WWOX: variants seen among roughly 807,000 people sequenced by gnomAD.
The protein encoded by WWOX is WW domain-containing oxidoreductase.
In WWOX, 69 loss-of-function variants were observed where a neutral mutation model predicts 46.2. That is an observed-to-expected ratio of 1.49 (90% CI 1.23 to 1.82). The LOEUF (loss-of-function observed/expected upper bound fraction) is 1.82. WWOX is among the 40% of genes most tolerant of loss of function. WWOX has a pLI of 0.00. For missense variants in WWOX, 919 were observed against 542.6 expected (o/e 1.69, Z -6.89); for synonymous variants, 359 against 202.6 (o/e 1.77, Z -6.56).
chr16:78,525,576 T>C (rs1165012937), intron 8 of WWOX: 1 of 152,210 alleles, frequency 6.6e-6, no homozygotes, highest in Non-Finnish European at 1.5e-5. Flanking sequence ...AGTCTCAAAA[T>C]GTCTGGTAGC....
At chr16:78,629,667 G>T (rs532468107) in intron 8 of WWOX, among the ~76,000 whole-genome samples, 35 of 152,272 alleles carry the variant, frequency 2.3e-4, no homozygotes, top group African/African-American at 8.2e-4. Context: ...CTTTGCACAG[G>T]CTCTTGTCTC....
intron 8 of WWOX, among the ~76,000 whole-genome samples, chr16:78,830,091 C>T (rs1241960605): frequency 6.6e-6 from 1 of 151,612 alleles, no homozygotes; most frequent in Admixed American, 6.6e-5. Context: ...CATAGGGAGA[C>T]CCTCATCTCT....
At chr16:78,930,604 T>A (rs2151280808) in intron 8 of WWOX, among the ~76,000 whole-genome samples, 1 of 151,852 alleles carries the variant, frequency 6.6e-6, no homozygotes, top group Non-Finnish European at 1.5e-5. Context: ...ACTTTTTTTT[T>A]TTTTTTTAAA....
chr16:78,820,686 C>T (rs904942551), intron 8 of WWOX, among the ~76,000 whole-genome samples: 1 of 152,120 alleles, frequency 6.6e-6, no homozygotes, highest in Non-Finnish European at 1.5e-5. Flanking sequence ...GTATGTGTTT[C>T]CTGGGCCTGC....
chr16:78,545,122 A>G (rs984795465), intron 8 of WWOX, among the ~76,000 whole-genome samples: 3 of 152,198 alleles, frequency 2.0e-5, no homozygotes, highest in Non-Finnish European at 2.9e-5. Flanking sequence ...ACATACCCAC[A>G]TTCTGATTCC....
At chr16:79,156,461 A>C (rs2050384010) in intron 8 of WWOX, among the ~76,000 whole-genome samples, 1 of 152,208 alleles carries the variant, frequency 6.6e-6, no homozygotes, top group African/African-American at 2.4e-5. Context: ...GCTCCCAGCA[A>C]CAATTGCAGT....
At chr16:78,234,993 A>G (rs2037389171) in intron 5 of WWOX, among the ~76,000 whole-genome samples, 1 of 152,108 alleles carries the variant, frequency 6.6e-6, no homozygotes, top group South Asian at 2.1e-4. Context: ...ACTTAACAGT[A>G]GGTCCTGTAA....
rs182230211 is a variant in WWOX at position 78,696,964 on chromosome 16, C to T, written c.1056+264212C>T. On this transcript the variant is annotated intron_variant, in intron 8 of 8. Transcript: ENST00000566780. ...TTCACTTAGAATAATGGTCTCCAGT[C>T]CCATCCAGGTTGCTGAAAATGCCAT... is the stretch of plus-strand genomic sequence containing the variant. Among the ~76,000 whole-genome samples, 87 of 152,148 alleles carry T rather than the reference C, an allele frequency of 5.7e-4. 1 individual carries two copies. Among genetic ancestry groups the T allele is most frequent in the Admixed American group, 2.0e-4 (3 of 15,260 alleles).
At chr16:78,529,773 G>A (rs142678941) in intron 8 of WWOX, among the ~76,000 whole-genome samples, 42 of 152,162 alleles carry the variant, frequency 2.8e-4, no homozygotes, top group African/African-American at 9.9e-4. Flanking sequence ...AGCCCTCAGA[G>A]TGTTTTAAAA....
At position 78,557,788 on chromosome 16, in the gene WWOX, T is replaced by C. The variant is rs139673937; in HGVS notation, c.1056+125036T>C. The stretch of plus-strand genomic sequence containing the variant: ...TCAGCTCACTGCAACCTCCGCCTCC[T>C]GGGTTCAAACAATTCTCCTACGTCA... On this transcript the variant is annotated intron_variant, in intron 8 of 8. Coordinates refer to ENST00000566780, the MANE Select transcript of WWOX (RefSeq NM_016373.4). Among the ~76,000 whole-genome samples, 52 of 147,038 alleles carry C rather than the reference T, an allele frequency of 3.5e-4. No homozygotes were observed. In the East Asian group the frequency reaches 0.01, roughly 29 times the overall value.
At chr16:78,918,355 C>G (rs1199430400) in intron 8 of WWOX, among the ~76,000 whole-genome samples, 11 of 152,068 alleles carry the variant, frequency 7.2e-5, no homozygotes. Flanking sequence ...CCTAAGGAGT[C>G]CTTGTTGATT....
At position 78,667,185 on chromosome 16, in the gene WWOX, A is replaced by G. The variant is rs2047350560; in HGVS notation, c.1056+234433A>G. 2.0e-5 allele frequency among the ~76,000 whole-genome samples: 3 copies of G among 152,170 alleles called. 1 individual carries two copies. The highest frequency in any genetic ancestry group is 1.3e-4 in the Admixed American group (2 of 15,280). On this transcript the variant is annotated intron_variant, in intron 8 of 8. Transcript: ENST00000566780. Reference sequence around the variant, plus strand: ...TTGCTAGTAGCTTCCATGAAACTCTATGGGTGAACATGTCTGCAACTCTTT... The same window carrying G: ...TTGCTAGTAGCTTCCATGAAACTCTGTGGGTGAACATGTCTGCAACTCTTT...
chr16:78,105,426 T>C (rs2032078030), intron 1 of WWOX, among the ~76,000 whole-genome samples: 2 of 150,196 alleles, frequency 1.3e-5, no homozygotes, highest in Non-Finnish European at 3.0e-5. Context: ...ACCACTGTAC[T>C]GCAGCCTGGG....
At chr16:78,606,132 A>G (rs1453463944) in intron 8 of WWOX, among the ~76,000 whole-genome samples, 5 of 152,186 alleles carry the variant, frequency 3.3e-5, no homozygotes, top group African/African-American at 9.7e-5. Flanking sequence ...TCCACAACCA[A>G]TCATCATGGT....
chr16:78,343,241 C>A lies in WWOX; in HGVS notation c.517-43619C>A, dbSNP rs1338628332. ...AGGGTCTTCTTATTCTGTGTGTGTGCCCTCTGCTGTTGAAAGTTGCCTGTC... is the reference window on the plus strand; with the variant it reads ...AGGGTCTTCTTATTCTGTGTGTGTGACCTCTGCTGTTGAAAGTTGCCTGTC... On this transcript the variant is annotated intron_variant, in intron 5 of 8. Coordinates refer to ENST00000566780, the MANE Select transcript of WWOX (RefSeq NM_016373.4). Among the ~76,000 whole-genome samples the A allele has an allele frequency of 4.2e-5, 5 of 120,054 alleles. 2 individuals are homozygous for A. The highest frequency in any genetic ancestry group is 1.4e-4 in the African/African-American group (5 of 35,350). The allele number at this position is 120,054 out of a possible 152,430, so 78.8% of individuals were successfully genotyped here.
At chr16:79,005,685 C>T (rs1228915904) in intron 8 of WWOX, among the ~76,000 whole-genome samples, 2 of 152,138 alleles carry the variant, frequency 1.3e-5, no homozygotes, top group African/African-American at 2.4e-5. Flanking sequence ...ATAAGGACAC[C>T]AGTCCTTGGA....
At chr16:78,802,585 A>G (rs1417644640) in intron 8 of WWOX, among the ~76,000 whole-genome samples, 1 of 152,078 alleles carries the variant, frequency 6.6e-6, no homozygotes, top group African/African-American at 2.4e-5. Flanking sequence ...TAATTAATAA[A>G]TATTTGTGAA....
intron 5 of WWOX, among the ~76,000 whole-genome samples, chr16:78,190,546 C>T (rs2035853633): frequency 6.6e-6 from 1 of 152,190 alleles, no homozygotes; most frequent in African/African-American, 2.4e-5. Context: ...GGCTACAGTG[C>T]ACATCCCTTC....
intron 4 of WWOX, among the ~76,000 whole-genome samples, chr16:78,147,153 T>A (rs2034226791): frequency 6.6e-6 from 1 of 151,282 alleles, no homozygotes; most frequent in Admixed American, 6.6e-5. Flanking sequence ...CAGAGATACT[T>A]TTTTTTTTGA....
Sources: allele counts gnomAD v4.1 joint callset (sites outside exome capture counted in the v4.1 genomes callset), GRCh38; gene constraint gnomAD v4.1.1; transcripts MANE v1.5; gene names NCBI Gene and HGNC (gene_info 2026-07-23, HGNC 2026-07-21).